The following MARCHF1 variants were observed in gnomAD, a reference collection of about 807,000 sequenced individuals.
The protein encoded by MARCHF1 is E3 ubiquitin-protein ligase MARCHF1.
Under a neutral mutation model 54.2 loss-of-function variants are expected in MARCHF1, and 40 were observed. The observed-to-expected ratio is 0.74, with a 90% CI of 0.57 to 0.96. MARCHF1 has a LOEUF of 0.96. Ranked by LOEUF, MARCHF1 falls within the 40% of genes least tolerant of loss-of-function variation. The pLI is 0.00. For synonymous variants in MARCHF1, 236 were observed against 236.3 expected (o/e 1.00, Z 0.01); for missense variants, 586 against 656.5 (o/e 0.89, Z 1.17).
chr4:164,054,458 A>G (rs373039812), intron 2 of MARCHF1, among the ~76,000 whole-genome samples: 108 of 152,144 alleles, frequency 7.1e-4, no homozygotes, highest in Non-Finnish European at 1.3e-3. Context: ...TCATGCTGCT[A>G]TAAAGACACA....
chr4:163,948,102 C>T (rs1315518498), intron 3 of MARCHF1, among the ~76,000 whole-genome samples: 1 of 152,170 alleles, frequency 6.6e-6, no homozygotes, highest in East Asian at 1.9e-4. Context: ...TCTACTATAG[C>T]ACATTACAAA....
intron 1 of MARCHF1, among the ~76,000 whole-genome samples, chr4:164,301,680 G>A (rs920043926): frequency 2.6e-5 from 4 of 152,094 alleles, no homozygotes; most frequent in African/African-American, 9.7e-5. Context: ...TTTAGGGAGT[G>A]AGCAGATAAA....
chr4:164,358,660 A>G (rs1195922004), intron 1 of MARCHF1, among the ~76,000 whole-genome samples: 1 of 152,182 alleles, frequency 6.6e-6, no homozygotes, highest in African/African-American at 2.4e-5. Flanking sequence ...TTAAGTAGCT[A>G]TCTTTAAAGA....
intron 5 of MARCHF1, among the ~76,000 whole-genome samples, chr4:163,689,376 C>T (rs905204644): frequency 6.6e-6 from 1 of 152,144 alleles, no homozygotes; most frequent in Non-Finnish European, 1.5e-5. Context: ...AAAAGTTTAA[C>T]ATGTTTTCTA....
At chr4:163,650,140 T>G (rs930427609) in intron 5 of MARCHF1, among the ~76,000 whole-genome samples, 4 of 151,936 alleles carry the variant, frequency 2.6e-5, no homozygotes, top group Non-Finnish European at 4.4e-5. Flanking sequence ...CACGTATTTT[T>G]TGAGGTCACA....
At chr4:163,580,282 G>A (rs1740185890) in intron 8 of MARCHF1, among the ~76,000 whole-genome samples, 2 of 151,912 alleles carry the variant, frequency 1.3e-5, no homozygotes, top group South Asian at 2.1e-4. Flanking sequence ...GTTTCACCAT[G>A]GTGGCCAGGC....
At chr4:164,165,736 A>G (rs1475922378) in intron 1 of MARCHF1, among the ~76,000 whole-genome samples, 1 of 151,996 alleles carries the variant, frequency 6.6e-6, no homozygotes, top group Non-Finnish European at 1.5e-5. Flanking sequence ...GTGGGCATTG[A>G]GAGGATGTGC....
rs1334211872 is a variant in MARCHF1, at chr4:164,180,427, C to T, written c.-322-68765G>A. The stretch of plus-strand genomic sequence containing the variant: ...AAATTGCTACCTAATAGTATTCTAG[C>T]TGTCCATTTAATGTTCATCTAATAA... On this transcript the variant is annotated intron_variant, in intron 1 of 9. Transcript: ENST00000514618. Among the ~76,000 whole-genome samples, 3 of 152,126 alleles carry T rather than the reference C, an allele frequency of 2.0e-5. No homozygotes were observed. The East Asian group carries it at 5.8e-4, about 29-fold the overall frequency.
intron 7 of MARCHF1, among the ~76,000 whole-genome samples, chr4:163,598,635 G>A (rs1394957560): frequency 6.6e-6 from 1 of 152,192 alleles, no homozygotes; most frequent in African/African-American, 2.4e-5. Flanking sequence ...GTAATGATAT[G>A]TCTAAAAAGC....
intron 1 of MARCHF1, among the ~76,000 whole-genome samples, chr4:164,182,511 C>T (rs1294009716): frequency 6.6e-6 from 1 of 151,602 alleles, no homozygotes; most frequent in African/African-American, 2.4e-5. Flanking sequence ...TCATCTCTCT[C>T]CTTCCTTCCT....
intron 3 of MARCHF1, among the ~76,000 whole-genome samples, chr4:163,894,700 TGCATGTGATGCATATATATATGCATGTG>T (rs1750749195): frequency 8.8e-5 from 4 of 45,292 alleles, no homozygotes; most frequent in Non-Finnish European, 1.4e-4. Context: ...CATATATATA[TGCATGTGATGCATATATATATGCATGTG>T]ATGCATATAT....
At chr4:164,372,176 T>A (rs58420749) in intron 1 of MARCHF1, among the ~76,000 whole-genome samples, 12,447 of 152,306 alleles carry the variant, frequency 0.082, 1,090 homozygotes, top group East Asian at 0.28. Context: ...AGTATTCAAT[T>A]GCATCAAAAT....
intron 1 of MARCHF1, among the ~76,000 whole-genome samples, chr4:164,304,598 C>T (rs1734651311): frequency 6.6e-6 from 1 of 152,174 alleles, no homozygotes; most frequent in South Asian, 2.1e-4. Context: ...TGTTGAGTTG[C>T]TCTGGCAGAA....
Position 163,850,974 on chromosome 4 carries a change from T to C in MARCHF1, c.111+3047A>G, listed in dbSNP as rs145741566. ...GTGGAACATGACATTGATGAAGGCA[T>C]TGAACAACAAAGGTCCAGTGAAAAG... On this transcript the variant is annotated intron_variant, in intron 4 of 9. Transcript: ENST00000514618. Among the ~76,000 whole-genome samples the C allele has an allele frequency of 2.0e-5, 3 of 152,240 alleles. No homozygotes were observed. The East Asian group carries it at 5.8e-4, about 29-fold the overall frequency.
chr4:164,032,917 A>T (rs764490976), intron 2 of MARCHF1, among the ~76,000 whole-genome samples: 1 of 152,194 alleles, frequency 6.6e-6, no homozygotes, highest in Non-Finnish European at 1.5e-5. Flanking sequence ...CTACAAGTCT[A>T]TAGTAACGAA....
intron 4 of MARCHF1, among the ~76,000 whole-genome samples, chr4:163,719,112 T>C (rs1745357206): frequency 6.6e-6 from 1 of 152,136 alleles, no homozygotes; most frequent in African/African-American, 2.4e-5. Context: ...ACATGGGCCA[T>C]GTTGGTGTGC....
chr4:163,894,698 T>TAC lies in MARCHF1; in HGVS notation c.-38-40530_-38-40529insGT, dbSNP rs1230295310. Among the ~76,000 whole-genome samples, 10 of 24,976 alleles carry TAC rather than the reference T, an allele frequency of 4.0e-4. 4 individuals carry two copies. The highest frequency in any genetic ancestry group is 9.7e-4 in the Non-Finnish European group (10 of 10,270). 16.4% of individuals were successfully genotyped at this position (24,976 alleles called of 152,430 possible). A position where few individuals can be genotyped will look rare whatever the true frequency, so the allele number is the denominator to read the frequency against. ...TATATATGCATGTGATGCATATATA[T>TAC]ATGCATGTGATGCATATATATATGC... On this transcript the variant is annotated intron_variant, in intron 3 of 9. Transcript: ENST00000514618.
intron 5 of MARCHF1, among the ~76,000 whole-genome samples, chr4:163,658,557 A>G (rs141873001): frequency 1.3e-5 from 2 of 151,958 alleles, no homozygotes; most frequent in African/African-American, 4.8e-5. Context: ...TGGGTATGTA[A>G]CCAAAGGAAT....
intron 1 of MARCHF1, among the ~76,000 whole-genome samples, chr4:164,227,370 C>T (rs1301431133): frequency 1.3e-5 from 2 of 152,080 alleles, no homozygotes; most frequent in African/African-American, 4.8e-5. Context: ...CTGGTCCCAC[C>T]CTTGACACAT....
Sources: gnomAD v4.1 joint callset for allele counts (sites outside exome capture counted in the v4.1 genomes callset) on GRCh38, gnomAD v4.1.1 for gene constraint, MANE v1.5 for transcripts, NCBI Gene and HGNC (gene_info 2026-07-23, HGNC 2026-07-21) for gene names.